Variants in SAMD10 observed in about 807,000 individuals in gnomAD.
SAMD10 encodes the protein sterile alpha motif domain-containing protein 10.
A neutral mutation model predicts 22.5 loss-of-function variants in SAMD10; 16 were observed. That is an observed-to-expected ratio of 0.71 (90% confidence interval 0.48 to 1.08). The LOEUF (loss-of-function observed/expected upper bound fraction) is 1.08, where lower values mean the gene tolerates loss of function less well. Among genes scored for constraint, SAMD10 ranks in the 50% least tolerant of loss-of-function variants. The probability of loss-of-function intolerance (pLI) is 0.00; values close to 1 mark genes in which losing one functional copy is unlikely to be tolerated. For synonymous variants in SAMD10, 118 were observed against 122.2 expected, an observed-to-expected ratio of 0.97 and a Z score of 0.23; for missense variants, 227 against 281.3, an observed-to-expected ratio of 0.81 and a Z score of 1.38.
rs2059046662 is a variant in SAMD10, at chr20:63,979,267, C to T, written c.91+110G>A. ...TTGAGCCGAGACATCCGCCGAATAC[C>T]CCCAGCCACCGCCGCTCGAAGCCCG... On this transcript the variant is annotated intron_variant, in intron 1 of 4. Transcript: ENST00000369886. The surrounding 1 kb of genome is among the most constrained non-coding windows in gnomAD (Gnocchi z 7.7). 6.6e-6 allele frequency: 5 copies of T among 755,500 alleles called. No individual in the cohort carries two copies. In the Admixed American group the frequency reaches 1.7e-4, roughly 25 times the overall value. 46.8% of individuals were successfully genotyped at this position (755,500 alleles called of 1,614,324 possible).
At position 63,979,258 on chromosome 20, in the gene SAMD10, G is replaced by T; in HGVS notation, c.91+119C>A. ...GGGACCCCGTTGAGCCGAGACATCC[G>T]CCGAATACCCCCAGCCACCGCCGCT... On this transcript the variant is annotated intron_variant, in intron 1 of 4. Transcript: ENST00000369886. This position sits in a 1 kb window ranked among gnomAD's most constrained non-coding sequence, Gnocchi z 7.7. 1 of 684,560 alleles carries T rather than the reference G, an allele frequency of 1.5e-6. No homozygotes were observed. Among genetic ancestry groups the T allele is most frequent in the Non-Finnish European group, 2.2e-6 (1 of 457,782 alleles). 42.4% of individuals were successfully genotyped at this position (684,560 alleles called of 1,614,324 possible). A position where few individuals can be genotyped will look rare whatever the true frequency, so the allele number is the denominator to read the frequency against.
At chr20:63,979,659 G>A (rs1601502386), upstream of SAMD10, 1 of 985,256 alleles carries the variant, frequency 1.0e-6, no homozygotes, top group East Asian at 1.1e-4. The surrounding 1 kb of genome is among the most constrained non-coding windows in gnomAD (Gnocchi z 7.7). Flanking sequence ...CGCGCTCCGG[G>A]AGCTCCGAGG....
chr20:63,977,420 T>C lies in SAMD10; in HGVS notation c.92-14A>G, dbSNP rs1370334923. 6.2e-7 allele frequency: 1 copy of C among 1,611,382 alleles called. No homozygotes were observed. The highest frequency in any genetic ancestry group is 1.3e-5 in the African/African-American group (1 of 74,676). On this transcript the variant is annotated splice_polypyrimidine_tract_variant and intron_variant, in intron 1 of 4. Transcript: ENST00000369886. This position sits in a 1 kb window ranked among gnomAD's most constrained non-coding sequence, Gnocchi z 5.4. The stretch of plus-strand genomic sequence containing the variant: ...AGTGGGCAGTGGCTGTGTGTGGGGG[T>C]GCCTGGTCAGGGCAGTCAAGGGCAG...
Position 63,979,430 on chromosome 20 carries a change from C to T in SAMD10, c.38G>A (p.Arg13His). The change falls in exon 1 of 5, where the codon CGT (arginine) becomes CAT (histidine). Residue 13 changes from arginine (R) to histidine (H), a missense_variant. Physicochemically the swap from Arg to His is conservative, Grantham distance 29. Transcript: ENST00000369886. This position sits in a 1 kb window ranked among gnomAD's most constrained non-coding sequence, Gnocchi z 7.7. ...TELRSKLSPPRGRAGAVRAGF... is the reference protein window; with the variant it reads ...TELRSKLSPPHGRAGAVRAGF... ...CGCGCGCACGGCCCCGGCGCGGCCA[C>T]GCGGGGGGCTCAGCTTGGACCTCAG... The T allele has an allele frequency of 6.8e-7, 1 of 1,476,138 alleles. No individual in the cohort carries two copies. Among genetic ancestry groups the T allele is most frequent in the East Asian group, 3.0e-5 (1 of 33,852 alleles). The allele number at this position is 1,476,138 out of a possible 1,614,324, so 91.4% of individuals were successfully genotyped here. A position where few individuals can be genotyped will look rare whatever the true frequency, so the allele number is the denominator to read the frequency against.
Position 63,979,333 on chromosome 20 carries a change from C to A in SAMD10, c.91+44G>T, listed in dbSNP as rs1286037224. ...CCCCCGTGCCTCTGGGTCCCTGAGACCCCCGCCCGAGAAATCCCCGCTCCC... is the reference window on the plus strand; with the variant it reads ...CCCCCGTGCCTCTGGGTCCCTGAGAACCCCGCCCGAGAAATCCCCGCTCCC... On this transcript the variant is annotated intron_variant, in intron 1 of 4. Transcript: ENST00000369886. This position sits in a 1 kb window ranked among gnomAD's most constrained non-coding sequence, Gnocchi z 7.7. 2.2e-6 allele frequency: 3 copies of A among 1,352,412 alleles called. No individual in the cohort carries two copies. The African/African-American group carries it at 4.7e-5, about 21-fold the overall frequency. 83.8% of individuals were successfully genotyped at this position (1,352,412 alleles called of 1,614,324 possible).
chr20:63,979,806 G>T, upstream of SAMD10: 1 of 501,734 alleles, frequency 2.0e-6, no homozygotes, highest in Non-Finnish European at 2.6e-6. This position sits in a 1 kb window ranked among gnomAD's most constrained non-coding sequence, Gnocchi z 7.7. Context: ...GGGCCCCTCT[G>T]TGCGTGGGGG....
Position 63,979,378 on chromosome 20 carries a change from G to A in SAMD10, c.90C>T (p.Asp30=). 1 of 1,457,530 alleles carries A rather than the reference G, an allele frequency of 6.9e-7. No homozygotes were observed. Among genetic ancestry groups the A allele is most frequent in the Non-Finnish European group, 9.0e-7 (1 of 1,109,612 alleles). 90.3% of individuals were successfully genotyped at this position (1,457,530 alleles called of 1,614,324 possible). ...GCTCCCCAATCCAGCCCCGCTCACCGTCCACATCCCGGCGCTCCCCGAAGC... is the reference window on the plus strand; with the variant it reads ...GCTCCCCAATCCAGCCCCGCTCACCATCCACATCCCGGCGCTCCCCGAAGC... ...RAGFGERRDV[D]ATAHFSFCRT... The change falls in exon 1 of 5, where the codon GAC becomes GAT. Residue 30 remains aspartate, a splice_region_variant and synonymous_variant. Transcript: ENST00000369886. The surrounding 1 kb of genome is among the most constrained non-coding windows in gnomAD (Gnocchi z 7.7).
At chr20:63,975,660 G>GC in intron 4 of SAMD10, 32 bp downstream of exon 4, 1 of 1,577,010 alleles carries the variant, frequency 6.3e-7, no homozygotes, top group Non-Finnish European at 8.6e-7. Context: ...TTCTCCATCA[G>GC]CCCCCAGGCC....
In SAMD10 at chr20:63,975,269, G is replaced by A. The variant is rs1490000742; in HGVS notation, c.*241C>T. ...TGCACCAGGGGAGGGCTTGGGCTCA[G>A]GTCCCAGGAGGTGGGGCCACACTCA... On this transcript the variant is annotated 3_prime_UTR_variant, in exon 5 of 5. Transcript: ENST00000369886. 1.8e-6 allele frequency: 1 copy of A among 545,138 alleles called. No individual in the cohort carries two copies. Among genetic ancestry groups the A allele is most frequent in the Non-Finnish European group, 3.2e-6 (1 of 312,790 alleles). The allele number at this position is 545,138 out of a possible 1,614,324, so 33.8% of individuals were successfully genotyped here.
chr20:63,979,402 G>A lies in SAMD10; in HGVS notation c.66C>T (p.Gly22=). The change falls in exon 1 of 5, where the codon GGC becomes GGT. Residue 22 remains glycine, a synonymous_variant. Transcript: ENST00000369886. This position sits in a 1 kb window ranked among gnomAD's most constrained non-coding sequence, Gnocchi z 7.7. ...CGTCCACATCCCGGCGCTCCCCGAAGCCCGCGCGCACGGCCCCGGCGCGGC... is the reference window on the plus strand; with the variant it reads ...CGTCCACATCCCGGCGCTCCCCGAAACCCGCGCGCACGGCCCCGGCGCGGC... ...PRGRAGAVRA[G]FGERRDVDAT... is the part of the protein sequence containing the mutation. 1 of 1,487,488 alleles carries A rather than the reference G, an allele frequency of 6.7e-7. No homozygotes were observed. Among genetic ancestry groups the A allele is most frequent in the Non-Finnish European group, 8.9e-7 (1 of 1,125,206 alleles). 92.1% of individuals were successfully genotyped at this position (1,487,488 alleles called of 1,614,324 possible). A position where few individuals can be genotyped will look rare whatever the true frequency, so the allele number is the denominator to read the frequency against.
chr20:63,976,292 G>A (rs1369725661), intron 3 of SAMD10, among the ~76,000 whole-genome samples: 1 of 152,042 alleles, frequency 6.6e-6, no homozygotes, highest in Admixed American at 6.6e-5. Flanking sequence ...TCGGAGAGAG[G>A]GAGGAGAGAG....
chr20:63,976,764 C>CAAAAAAAAAAAAAAAAAA (rs60461303), intron 3 of SAMD10, among the ~76,000 whole-genome samples: 7 of 63,926 alleles, frequency 1.1e-4, no homozygotes, highest in African/African-American at 4.7e-4. Context: ...TCTGTCTCAC[C>CAAAAAAAAAAAAAAAAAA]AAAAAAAAAA....
intron 1 of SAMD10, chr20:63,978,377 AG>A: frequency 8.9e-7 from 1 of 1,125,818 alleles, no homozygotes; most frequent in Non-Finnish European, 1.2e-6. Flanking sequence ...GGGAGACAGA[AG>A]GTGGGCACAG....
In SAMD10 at chr20:63,979,562, G is replaced by C. The variant is rs907216170; in HGVS notation, c.-95C>G. On this transcript the variant is annotated 5_prime_UTR_variant, in exon 1 of 5. Coordinates refer to ENST00000369886, the MANE Select transcript of SAMD10 (RefSeq NM_080621.5). This position sits in a 1 kb window ranked among gnomAD's most constrained non-coding sequence, Gnocchi z 7.7. ...GGAACGCGCGCCGCCGCCCCGCCCC[G>C]CCCCAGCCGGCCCCGCGCCCGAGCC... The C allele has an allele frequency of 1.9e-5, 19 of 985,740 alleles. No individual in the cohort carries two copies. Among genetic ancestry groups the C allele is most frequent in the Non-Finnish European group, 2.3e-5 (19 of 831,240 alleles). The allele number at this position is 985,740 out of a possible 1,614,324, so 61.1% of individuals were successfully genotyped here.
chr20:63,979,796 G>C (rs530326608), upstream of SAMD10: 6 of 628,290 alleles, frequency 9.5e-6, no homozygotes, highest in Non-Finnish European at 1.2e-5. The surrounding 1 kb of genome is among the most constrained non-coding windows in gnomAD (Gnocchi z 7.7). Flanking sequence ...CTCTGAGGTC[G>C]GGCCCCTCTG....
At chr20:63,975,561 G>A (rs1276543713) in intron 4 of SAMD10, 29 bp from the exon 5 acceptor site, 2 of 1,601,868 alleles carry the variant, frequency 1.2e-6, no homozygotes, top group African/African-American at 2.7e-5. Flanking sequence ...TGAGAATGGG[G>A]TGGGGTCTTT....
Position 63,979,060 on chromosome 20 carries a change from G to A in SAMD10, c.91+317C>T, listed in dbSNP as rs367794091. Among the ~76,000 whole-genome samples the A allele has an allele frequency of 4.5e-4, 69 of 152,298 alleles. No homozygotes were observed. In the South Asian group the frequency reaches 0.014, roughly 32 times the overall value. Reference sequence around the variant, plus strand: ...GGGATGTGACCTCGGCCCCCTTTCGGCCCCACTGCAAAAGCGGGGGAGGGT... The same window carrying A: ...GGGATGTGACCTCGGCCCCCTTTCGACCCCACTGCAAAAGCGGGGGAGGGT... On this transcript the variant is annotated intron_variant, in intron 1 of 4. Coordinates refer to ENST00000369886, the MANE Select transcript of SAMD10 (RefSeq NM_080621.5). This position sits in a 1 kb window ranked among gnomAD's most constrained non-coding sequence, Gnocchi z 7.7.
rs60461303 is a variant in SAMD10, at chr20:63,976,764, C to CAAAAAAA, written c.445+200_445+206dup. ...CAACAGGAGTAAATCTCTGTCTCAC[C>CAAAAAAA]AAAAAAAAAAAAAAAAAAAAAAAAA... On this transcript the variant is annotated intron_variant, in intron 3 of 4. Coordinates refer to ENST00000369886, the MANE Select transcript of SAMD10 (RefSeq NM_080621.5). Among the ~76,000 whole-genome samples, 17 of 63,926 alleles carry CAAAAAAA rather than the reference C, an allele frequency of 2.7e-4. 1 individual carries two copies. The highest frequency in any genetic ancestry group is 9.4e-4 in the African/African-American group (14 of 14,936). 41.9% of individuals were successfully genotyped at this position (63,926 alleles called of 152,430 possible).
rs902884110 is a variant in SAMD10, at chr20:63,977,145, G to A, written c.274-3C>T. The A allele has an allele frequency of 1.9e-6, 3 of 1,613,342 alleles. No individual in the cohort carries two copies. The highest frequency in any genetic ancestry group is 2.5e-6 in the Non-Finnish European group (3 of 1,179,438). ...TAGTGGTCAGAGTACAGCCGGCCCT[G>A]CAGGGGAGGGGCGTGGCAGGCAGAG... On this transcript the variant is annotated splice_polypyrimidine_tract_variant and splice_region_variant and intron_variant, in intron 2 of 4. Coordinates refer to ENST00000369886, the MANE Select transcript of SAMD10 (RefSeq NM_080621.5). The surrounding 1 kb of genome is among the most constrained non-coding windows in gnomAD (Gnocchi z 5.4).
Sources: allele counts gnomAD v4.1 joint callset (sites outside exome capture counted in the v4.1 genomes callset), GRCh38; gene constraint gnomAD v4.1.1; non-coding constraint Gnocchi (gnomAD v3.1); transcripts MANE v1.5; gene names NCBI Gene and HGNC (gene_info 2026-07-23, HGNC 2026-07-21).